The following TSNARE1 variants were observed in gnomAD, a reference collection of about 807,000 sequenced individuals.
TSNARE1 encodes t-SNARE domain containing 1.
In TSNARE1, 49 loss-of-function variants were observed where a neutral mutation model predicts 62.0. That is an observed-to-expected ratio of 0.79 (90% CI 0.63 to 1.00). The LOEUF is 1.00. Ranked by LOEUF, TSNARE1 falls within the 50% of genes least tolerant of loss-of-function variation. The pLI, the probability that TSNARE1 is intolerant of heterozygous loss-of-function variation, is 0.00. For missense variants in TSNARE1, 755 were observed against 700.1 expected (o/e 1.08, Z -0.88); for synonymous variants, 328 against 294.4 (o/e 1.11, Z -1.17).
intron 11 of TSNARE1, among the ~76,000 whole-genome samples, chr8:142,281,182 T>C (rs987295165): frequency 2.6e-5 from 4 of 151,836 alleles, no homozygotes; most frequent in African/African-American, 7.3e-5. Flanking sequence ...GGGTGGAGCC[T>C]GAGAGTGCTG....
At chr8:142,227,232 C>T (rs1238388507) in intron 13 of TSNARE1, among the ~76,000 whole-genome samples, 1 of 150,916 alleles carries the variant, frequency 6.6e-6, no homozygotes, top group Non-Finnish European at 1.5e-5. Context: ...ACAGCCAGGC[C>T]CTACATCCTG....
intron 11 of TSNARE1, among the ~76,000 whole-genome samples, chr8:142,281,130 G>A (rs1821379106): frequency 6.6e-6 from 1 of 152,180 alleles, no homozygotes; most frequent in Non-Finnish European, 1.5e-5. Flanking sequence ...CCCAAGGTGA[G>A]GCCACAGCTC....
At chr8:142,277,542 C>G (rs977559524) in intron 11 of TSNARE1, 2 of 985,484 alleles carry the variant, frequency 2.0e-6, no homozygotes, top group Middle Eastern at 5.2e-4. Context: ...GGGATGCCCC[C>G]ACCCTGTCCT....
Position 142,354,833 on chromosome 8 carries a change from A to T in TSNARE1, c.-39-70T>A, listed in dbSNP as rs185491711. On this transcript the variant is annotated intron_variant, in intron 1 of 13. Transcript: ENST00000524325. Reference sequence around the variant, plus strand: ...GGATTAAAGCTCCAATTCAGGGTGCACAGGGGCCGCCGGCCCCTCCCCAGC... The same window carrying T: ...GGATTAAAGCTCCAATTCAGGGTGCTCAGGGGCCGCCGGCCCCTCCCCAGC... 2.2e-3 allele frequency: 1,926 copies of T among 894,236 alleles called. 8 individuals carry two copies. The highest frequency in any genetic ancestry group is 7.8e-3 in the South Asian group (536 of 68,716). 55.4% of individuals were successfully genotyped at this position (894,236 alleles called of 1,614,324 possible).
chr8:142,268,335 C>T lies in TSNARE1; in HGVS notation c.1446+6446G>A, dbSNP rs530969054. Among the ~76,000 whole-genome samples, 3 of 152,340 alleles carry T rather than the reference C, an allele frequency of 2.0e-5. No homozygotes were observed. In the East Asian group the frequency reaches 5.8e-4, roughly 29 times the overall value. On this transcript the variant is annotated intron_variant, in intron 12 of 13. Coordinates refer to ENST00000524325, the MANE Select transcript of TSNARE1 (RefSeq NM_145003.5). Reference sequence around the variant, plus strand: ...CTTACCCATTCTGCCCCTAAGTTCTCGAGTCCCTGCTCCTCAGCCACAATG... The same window carrying T: ...CTTACCCATTCTGCCCCTAAGTTCTTGAGTCCCTGCTCCTCAGCCACAATG...
intron 13 of TSNARE1, among the ~76,000 whole-genome samples, chr8:142,226,645 G>A (rs1816788395): frequency 2.6e-5 from 4 of 152,216 alleles, no homozygotes; most frequent in Admixed American, 2.6e-4. Flanking sequence ...CTGGAGTCCT[G>A]GGGGGCTGGA....
chr8:142,337,642 G>C (rs1461003560), intron 4 of TSNARE1, among the ~76,000 whole-genome samples: 1 of 152,232 alleles, frequency 6.6e-6, no homozygotes, highest in Admixed American at 6.5e-5. Flanking sequence ...CTCTGCTACT[G>C]CTGGGGGTCC....
intron 1 of TSNARE1, among the ~76,000 whole-genome samples, chr8:142,371,589 C>T (rs534308904): frequency 6.6e-6 from 1 of 152,286 alleles, no homozygotes; most frequent in South Asian, 2.1e-4. Context: ...GGATCACAGT[C>T]ACCCTTGTGA....
At chr8:142,405,815 C>T (rs1448737361), upstream of TSNARE1, 1 of 152,554 alleles carries the variant, frequency 6.6e-6, no homozygotes, top group Non-Finnish European at 1.5e-5. Flanking sequence ...CTGCTCTGCT[C>T]CCAGCACAGC....
chr8:142,273,805 C>G, intron 12 of TSNARE1: 4 of 985,430 alleles, frequency 4.1e-6, no homozygotes, highest in Non-Finnish European at 4.8e-6. Context: ...GCTGCGGCCC[C>G]CTTTTCCTCT....
chr8:142,396,269 G>A (rs1243668982), intron 1 of TSNARE1, among the ~76,000 whole-genome samples: 1 of 151,968 alleles, frequency 6.6e-6, no homozygotes, highest in East Asian at 1.9e-4. Context: ...CCGCGCACCT[G>A]GCCCCAAAGC....
Position 142,295,590 on chromosome 8 carries a change from G to A in TSNARE1, c.1290+4896C>T, listed in dbSNP as rs752083548. ...CAGAACACATAGGGGGCAGGCCCCC[G>A]TCACTGGCAGCCCTCAGCCTCCACT... On this transcript the variant is annotated intron_variant, in intron 10 of 13. Transcript: ENST00000524325. 5.3e-5 allele frequency among the ~76,000 whole-genome samples: 8 copies of A among 152,350 alleles called. No homozygotes were observed. The East Asian group carries it at 5.8e-4, about 11-fold the overall frequency.
At chr8:142,383,515 G>A (rs554082824) in intron 1 of TSNARE1, among the ~76,000 whole-genome samples, 131 of 152,268 alleles carry the variant, frequency 8.6e-4, no homozygotes, top group African/African-American at 2.8e-3. Flanking sequence ...AGCCACAGAC[G>A]GCAAGCTGCC....
chr8:142,337,940 C>G (rs1328418028), intron 4 of TSNARE1, among the ~76,000 whole-genome samples: 2 of 152,228 alleles, frequency 1.3e-5, no homozygotes, highest in African/African-American at 2.4e-5. Flanking sequence ...ATGACTCTGG[C>G]CGGGGACCTA....
chr8:142,248,463 C>T (rs1817999565), intron 12 of TSNARE1, among the ~76,000 whole-genome samples: 1 of 152,216 alleles, frequency 6.6e-6, no homozygotes, highest in Admixed American at 6.5e-5. Context: ...CTCTCTCAGA[C>T]TCATAAAGAT....
At chr8:142,387,197 C>T (rs1837170136) in intron 1 of TSNARE1, among the ~76,000 whole-genome samples, 1 of 152,070 alleles carries the variant, frequency 6.6e-6, no homozygotes, top group Admixed American at 6.6e-5. Context: ...AAAACTTGCT[C>T]CTGAAAAACT....
At chr8:142,275,706 G>A (rs1218319785) in intron 11 of TSNARE1, 1 of 985,474 alleles carries the variant, frequency 1.0e-6, no homozygotes, top group Non-Finnish European at 1.2e-6. Flanking sequence ...AACTGGAGAA[G>A]AGCTTGGGAG....
At chr8:142,226,145 G>A (rs1816757804) in intron 13 of TSNARE1, among the ~76,000 whole-genome samples, 1 of 152,190 alleles carries the variant, frequency 6.6e-6, no homozygotes, top group African/African-American at 2.4e-5. Flanking sequence ...ACAGGTGCTG[G>A]GGTGGAGACC....
At chr8:142,261,606 C>G (rs13274119) in intron 12 of TSNARE1, among the ~76,000 whole-genome samples, 1 of 151,920 alleles carries the variant, frequency 6.6e-6, no homozygotes, top group African/African-American at 2.4e-5. Flanking sequence ...ATGTTCCTGG[C>G]GGAGGAAAGA....
Sources: allele counts gnomAD v4.1 joint callset (sites outside exome capture counted in the v4.1 genomes callset), GRCh38; gene constraint gnomAD v4.1.1; transcripts MANE v1.5; gene names NCBI Gene and HGNC (gene_info 2026-07-23, HGNC 2026-07-21).